Variants in PRKCA observed in about 807,000 individuals in gnomAD.
The protein encoded by PRKCA is protein kinase C alpha type.
In PRKCA, 27 loss-of-function variants were observed where a neutral mutation model predicts 87.0. The observed-to-expected ratio is 0.31, with a 90% CI of 0.23 to 0.43. The LOEUF is 0.43. Ranked by LOEUF, PRKCA falls within the 20% of genes least tolerant of loss-of-function variation. PRKCA has a pLI of 1.00. For synonymous variants in PRKCA, 329 were observed against 311.1 expected, an observed-to-expected ratio of 1.06 and a Z score of -0.61; for missense variants, 518 against 852.3, an observed-to-expected ratio of 0.61 and a Z score of 4.88.
At chr17:66,609,058 C>T (rs1484359541) in intron 3 of PRKCA, among the ~76,000 whole-genome samples, 1 of 152,186 alleles carries the variant, frequency 6.6e-6, no homozygotes, top group Non-Finnish European at 1.5e-5. Flanking sequence ...GTTTCTGCCC[C>T]ATAGGCCTAA....
chr17:66,781,965 G>A (rs1356010251), intron 14 of PRKCA, among the ~76,000 whole-genome samples: 2 of 151,694 alleles, frequency 1.3e-5, no homozygotes, highest in East Asian at 3.9e-4. Context: ...CCAGGCTGGA[G>A]TGCAGTGGTG....
intron 3 of PRKCA, among the ~76,000 whole-genome samples, chr17:66,569,172 A>C (rs1968989147): frequency 6.6e-6 from 1 of 152,234 alleles, no homozygotes. Flanking sequence ...GAAAAGATTA[A>C]TCAGGCATTT....
chr17:66,571,961 G>T (rs1394908443), intron 3 of PRKCA, among the ~76,000 whole-genome samples: 1 of 152,160 alleles, frequency 6.6e-6, no homozygotes, highest in Non-Finnish European at 1.5e-5. Context: ...TCCATCCAGT[G>T]TGCCACTCCG....
At chr17:66,487,592 C>T (rs897192547) in intron 2 of PRKCA, among the ~76,000 whole-genome samples, 1 of 152,146 alleles carries the variant, frequency 6.6e-6, no homozygotes, top group South Asian at 2.1e-4. Context: ...TTGGGAGAGT[C>T]CATAGTGCTT....
intron 2 of PRKCA, among the ~76,000 whole-genome samples, chr17:66,436,723 A>G (rs1913412967): frequency 6.6e-6 from 1 of 152,178 alleles, no homozygotes; most frequent in Admixed American, 6.5e-5. Flanking sequence ...TGCCTTGGGA[A>G]ATACCTCTGT....
At chr17:66,693,062 T>C (rs1418566471) in intron 8 of PRKCA, among the ~76,000 whole-genome samples, 1 of 152,246 alleles carries the variant, frequency 6.6e-6, no homozygotes, top group Non-Finnish European at 1.5e-5. Flanking sequence ...CATTTACAAC[T>C]CTGCCACTGC....
intron 2 of PRKCA, among the ~76,000 whole-genome samples, chr17:66,451,860 T>C (rs903254556): frequency 2.6e-5 from 4 of 152,192 alleles, no homozygotes; most frequent in Non-Finnish European, 5.9e-5. Flanking sequence ...AACTCTAGGG[T>C]GATCTCTAAT....
chr17:66,536,948 T>A (rs1269004184), intron 3 of PRKCA, among the ~76,000 whole-genome samples: 4 of 152,174 alleles, frequency 2.6e-5, no homozygotes, highest in African/African-American at 9.7e-5. Context: ...TGTAAAATCC[T>A]CTCCACCATA....
intron 5 of PRKCA, among the ~76,000 whole-genome samples, chr17:66,678,103 G>A (rs1344315140): frequency 6.6e-6 from 1 of 152,180 alleles, no homozygotes; most frequent in Non-Finnish European, 1.5e-5. Context: ...CTTGAGGTGG[G>A]GAAATTCTTC....
At chr17:66,695,422 C>T (rs769865794) in intron 8 of PRKCA, among the ~76,000 whole-genome samples, 2 of 152,178 alleles carry the variant, frequency 1.3e-5, no homozygotes, top group Admixed American at 6.5e-5. Context: ...GGACTTTCAA[C>T]GAACTCATTT....
chr17:66,512,900 C>T (rs1328602185), intron 3 of PRKCA, among the ~76,000 whole-genome samples: 2 of 152,160 alleles, frequency 1.3e-5, no homozygotes, highest in African/African-American at 2.4e-5. Flanking sequence ...ACCATGTTGG[C>T]CAGGCTGATC....
chr17:66,492,867 C>G lies in PRKCA; in HGVS notation c.206-3334C>G, dbSNP rs9908918. On this transcript the variant is annotated intron_variant, in intron 2 of 16. Transcript: ENST00000413366. ...GAGTGTCTCTGTGCTGCCTGGGCAG[C>G]CAAGAGGGCTGTTTTCTTCGATTCA... 9.1e-3 allele frequency among the ~76,000 whole-genome samples: 1,393 copies of G among 152,308 alleles called. 17 individuals carry two copies. Among genetic ancestry groups the G allele is most frequent in the Middle Eastern group, 0.044 (13 of 294 alleles).
chr17:66,470,663 T>G (rs1024948218), intron 2 of PRKCA, among the ~76,000 whole-genome samples: 44 of 152,262 alleles, frequency 2.9e-4, no homozygotes, highest in African/African-American at 1.1e-3. Flanking sequence ...AAGGGCACAG[T>G]CAGCCCTTCG....
Position 66,466,392 on chromosome 17 carries a change from C to A in PRKCA, c.206-29809C>A, listed in dbSNP as rs1003097178. On this transcript the variant is annotated intron_variant, in intron 2 of 16. Transcript: ENST00000413366. ...GGAGCCCTGCGTTTGAGGCCACCTG[C>A]ACTGCTCACAAGCCACGGGCCTTGG... 5.9e-5 allele frequency among the ~76,000 whole-genome samples: 9 copies of A among 152,188 alleles called. No homozygotes were observed. In the East Asian group the frequency reaches 1.3e-3, roughly 23 times the overall value.
chr17:66,693,924 A>G (rs1336739350), intron 8 of PRKCA, among the ~76,000 whole-genome samples: 1 of 152,216 alleles, frequency 6.6e-6, no homozygotes, highest in African/African-American at 2.4e-5. Flanking sequence ...AGGCTCTAGA[A>G]TCAAATCCTA....
At chr17:66,738,545 G>C (rs1322525374) in intron 10 of PRKCA, among the ~76,000 whole-genome samples, 3 of 152,242 alleles carry the variant, frequency 2.0e-5, no homozygotes, top group Non-Finnish European at 4.4e-5. Context: ...CATTATTTCA[G>C]GGTTATGTAA....
At chr17:66,517,144 C>T (rs567315589) in intron 3 of PRKCA, among the ~76,000 whole-genome samples, 9 of 152,100 alleles carry the variant, frequency 5.9e-5, no homozygotes, top group East Asian at 5.8e-4. Flanking sequence ...ATTAGCTGGG[C>T]GTGGTGGTGC....
chr17:66,460,281 C>T lies in PRKCA; in HGVS notation c.206-35920C>T, dbSNP rs1010185391. Among the ~76,000 whole-genome samples the T allele has an allele frequency of 2.0e-5, 3 of 152,014 alleles. 1 individual carries two copies. Among genetic ancestry groups the T allele is most frequent in the East Asian group, 3.9e-4 (2 of 5,192 alleles). ...TGTGTATGATCCATATGGCTGAAGT[C>T]GTGGTTCTTACTATTACTATATGAT... is the stretch of plus-strand genomic sequence containing the variant. On this transcript the variant is annotated intron_variant, in intron 2 of 16. Transcript: ENST00000413366.
At chr17:66,585,149 G>T (rs149789702) in intron 3 of PRKCA, among the ~76,000 whole-genome samples, 4 of 152,226 alleles carry the variant, frequency 2.6e-5, no homozygotes, top group East Asian at 3.9e-4. Flanking sequence ...AGATAGGTGT[G>T]CCATTTACAT....
Sources: gnomAD v4.1 joint callset for allele counts (sites outside exome capture counted in the v4.1 genomes callset) on GRCh38, gnomAD v4.1.1 for gene constraint, MANE v1.5 for transcripts, NCBI Gene and HGNC (gene_info 2026-07-23, HGNC 2026-07-21) for gene names.